Variants in TRIM2 observed in about 807,000 individuals in gnomAD.
TRIM2 encodes tripartite motif-containing protein 2.
TRIM2 carries 20 observed loss-of-function variants against 75.2 expected under a neutral mutation model. The ratio of observed to expected loss-of-function variants is 0.27; its 90% CI spans 0.19 to 0.39. TRIM2 has a LOEUF of 0.39. Ranked by LOEUF, TRIM2 falls within the 10% of genes least tolerant of loss-of-function variation. The probability of loss-of-function intolerance (pLI) is 1.00; values close to 1 mark genes in which losing one functional copy is unlikely to be tolerated. For synonymous variants in TRIM2, 373 were observed against 388.3 expected (o/e 0.96, Z 0.46); for missense variants, 660 against 990.8 (o/e 0.67, Z 4.48).
intron 6 of TRIM2, chr4:153,308,240 T>C: frequency 1.3e-6 from 2 of 1,543,272 alleles, no homozygotes. Flanking sequence ...TTCTACCCTT[T>C]GCCAGGGCAA....
At chr4:153,331,069 G>A (rs752838574) in intron 11 of TRIM2, among the ~76,000 whole-genome samples, 28 of 152,162 alleles carry the variant, frequency 1.8e-4, no homozygotes, top group Middle Eastern at 6.8e-3. Flanking sequence ...TGCATGTAAC[G>A]CCAGCACTTT....
intron 3 of TRIM2, among the ~76,000 whole-genome samples, chr4:153,286,961 T>C (rs1337740639): frequency 6.6e-6 from 1 of 151,930 alleles, no homozygotes; most frequent in Non-Finnish European, 1.5e-5. Context: ...TTTCACTTTC[T>C]TTTTTTTCTT....
chr4:153,172,653 A>G (rs1026199486), intron 1 of TRIM2, among the ~76,000 whole-genome samples: 1 of 152,220 alleles, frequency 6.6e-6, no homozygotes, highest in Non-Finnish European at 1.5e-5. Context: ...CCGGAGATAC[A>G]GTGGTATCCC....
Position 153,336,935 on chromosome 4 carries a change from TA to T in TRIM2, c.*1971del. 1 of 984,498 alleles carries T rather than the reference TA, an allele frequency of 1.0e-6. No individual in the cohort carries two copies. The allele number at this position is 984,498 out of a possible 1,614,324, so 61.0% of individuals were successfully genotyped here. ...AATGTTAAATGAAGACACTGTTTCCTAACATCAGTGAGATACATCTTTGAAT... is the reference window on the plus strand; with the variant it reads ...AATGTTAAATGAAGACACTGTTTCCTACATCAGTGAGATACATCTTTGAAT... On this transcript the variant is annotated 3_prime_UTR_variant, in exon 12 of 12. Coordinates refer to ENST00000338700, the MANE Select transcript of TRIM2 (RefSeq NM_015271.5).
chr4:153,225,068 T>G (rs1741743627), intron 1 of TRIM2, among the ~76,000 whole-genome samples: 1 of 152,220 alleles, frequency 6.6e-6, no homozygotes, highest in South Asian at 2.1e-4. Flanking sequence ...GAATTTGGCC[T>G]ATTCAATGAT....
intron 1 of TRIM2, among the ~76,000 whole-genome samples, chr4:153,171,609 A>T (rs75619073): frequency 0.022 from 3,271 of 148,392 alleles, 110 homozygotes; most frequent in African/African-American, 0.075. Context: ...AAAACAAAAA[A>T]ATATATATAT....
intron 1 of TRIM2, among the ~76,000 whole-genome samples, chr4:153,160,358 C>T (rs1053958034): frequency 2.6e-5 from 4 of 152,134 alleles, no homozygotes; most frequent in African/African-American, 7.2e-5. Context: ...TTGAGACAGG[C>T]GAGCAAAAAT....
intron 1 of TRIM2, among the ~76,000 whole-genome samples, chr4:153,251,462 C>T (rs1750860954): frequency 6.6e-6 from 1 of 152,192 alleles, no homozygotes; most frequent in Non-Finnish European, 1.5e-5. Flanking sequence ...CATCTTCTTT[C>T]ATAAAACCAT....
chr4:153,279,877 A>C (rs1438056827), intron 3 of TRIM2, among the ~76,000 whole-genome samples: 1 of 150,968 alleles, frequency 6.6e-6, no homozygotes, highest in Non-Finnish European at 1.5e-5. Context: ...TGGGAAGCAG[A>C]GATTGCAATG....
In TRIM2 at chr4:153,270,211, A is replaced by G. The variant is rs1756339227; in HGVS notation, c.31-124A>G. The G allele has an allele frequency of 7.4e-5, 84 of 1,138,210 alleles. No individual in the cohort carries two copies. The South Asian group carries it at 1.3e-3, about 18-fold the overall frequency. 70.5% of individuals were successfully genotyped at this position (1,138,210 alleles called of 1,614,324 possible). A position where few individuals can be genotyped will look rare whatever the true frequency, so the allele number is the denominator to read the frequency against. ...CCAAAGTGCTGGGATTACAGGCATG[A>G]GCCACCACACCTGGCCGACTTCTAC... On this transcript the variant is annotated intron_variant, in intron 1 of 11. Coordinates refer to ENST00000338700, the MANE Select transcript of TRIM2 (RefSeq NM_015271.5).
At chr4:153,239,118 C>T (rs959500192) in intron 1 of TRIM2, among the ~76,000 whole-genome samples, 3 of 152,010 alleles carry the variant, frequency 2.0e-5, no homozygotes, top group African/African-American at 7.2e-5. Flanking sequence ...TTTGGGAGGC[C>T]GAGGTGGGTG....
At chr4:153,175,012 GTTTTGTTTTT>G (rs1428580328) in intron 1 of TRIM2, among the ~76,000 whole-genome samples, 6 of 149,212 alleles carry the variant, frequency 4.0e-5, no homozygotes, top group East Asian at 2.0e-4. Context: ...TTTTTGTTTT[GTTTTGTTTTT>G]TTTTGAGACA....
At chr4:153,235,125 G>A (rs1330819933) in intron 1 of TRIM2, among the ~76,000 whole-genome samples, 1 of 152,042 alleles carries the variant, frequency 6.6e-6, no homozygotes, top group South Asian at 2.1e-4. Context: ...ATCCTTCAGG[G>A]CTTAATACAA....
chr4:153,311,330 A>C, intron 6 of TRIM2, among the ~76,000 whole-genome samples: 1 of 152,142 alleles, frequency 6.6e-6, no homozygotes, highest in African/African-American at 2.4e-5. Context: ...GACTAGTACT[A>C]AAGCACTATT....
chr4:153,273,161 C>G (rs1186714890), intron 2 of TRIM2, among the ~76,000 whole-genome samples: 1 of 151,464 alleles, frequency 6.6e-6, no homozygotes, highest in Non-Finnish European at 1.5e-5. Flanking sequence ...TATGCAGAGA[C>G]AAAACTTTAC....
chr4:153,314,008 TCTTC>T (rs1370456371), intron 6 of TRIM2, among the ~76,000 whole-genome samples: 4 of 152,194 alleles, frequency 2.6e-5, no homozygotes, highest in Admixed American at 2.0e-4. Context: ...GAAAAATTTA[TCTTC>T]CTTCCTGGTC....
In TRIM2 at chr4:153,335,001, G is replaced by T; in HGVS notation, c.*35G>T. ...GGTGGATACCCGCTTCCATGGTCTT[G>T]CACTATAAACTGGAATGGATTTCTC... On this transcript the variant is annotated 3_prime_UTR_variant, in exon 12 of 12. Transcript: ENST00000338700. The T allele has an allele frequency of 6.4e-7, 1 of 1,564,312 alleles. No individual in the cohort carries two copies. Among genetic ancestry groups the T allele is most frequent in the Admixed American group, 1.8e-5 (1 of 55,572 alleles).
rs1259239193 is a variant in TRIM2 at position 153,295,868 on chromosome 4, G to A, written c.1342G>A (p.Val448Met). Reference protein sequence around the residue: ...HIRGSPFKLKVIRSADVSPTT... With the variant: ...HIRGSPFKLKMIRSADVSPTT... Reference sequence around the variant, plus strand: ...CCGAGGCAGCCCGTTTAAGCTGAAAGTGATCCGATCCGCTGATGTGTCTCC... The same window carrying A: ...CCGAGGCAGCCCGTTTAAGCTGAAAATGATCCGATCCGCTGATGTGTCTCC... The change falls in exon 6 of 12, where the codon GTG becomes ATG. Residue 448 changes from valine to methionine, a missense_variant. By Grantham distance (21) the Val-to-Met change is conservative (BLOSUM62 1). Around this residue, in one of 2 missense-constraint regions of TRIM2, gnomAD observed 620 missense variants for 891.0 expected, o/e 0.70. Transcript: ENST00000338700. This position sits in a 1 kb window ranked among gnomAD's most constrained non-coding sequence, Gnocchi z 7.2. The A allele has an allele frequency of 6.2e-7, 1 of 1,614,068 alleles. No homozygotes were observed. Among genetic ancestry groups the A allele is most frequent in the Non-Finnish European group, 8.5e-7 (1 of 1,179,994 alleles).
chr4:153,169,556 G>A (rs961312842), intron 1 of TRIM2, among the ~76,000 whole-genome samples: 1 of 151,640 alleles, frequency 6.6e-6, no homozygotes, highest in Non-Finnish European at 1.5e-5. Context: ...CATTTTTCTG[G>A]CATATTTCAA....
Sources: gnomAD v4.1 joint callset for allele counts (sites outside exome capture counted in the v4.1 genomes callset) on GRCh38, gnomAD v4.1.1 for gene constraint, gnomAD v4.1.1 regional missense constraint, Gnocchi (gnomAD v3.1) non-coding constraint, MANE v1.5 for transcripts, NCBI Gene and HGNC (gene_info 2026-07-23, HGNC 2026-07-21) for gene names.